Variants in RANBP2 observed in about 807,000 individuals in gnomAD.
RANBP2 encodes E3 SUMO-protein ligase RanBP2.
Under a neutral mutation model 303.6 loss-of-function variants are expected in RANBP2, and 57 were observed. The ratio of observed to expected loss-of-function variants is 0.19; its 90% CI spans 0.15 to 0.23. RANBP2 has a LOEUF of 0.23. Among genes scored for constraint, RANBP2 ranks in the 10% least tolerant of loss-of-function variants. The probability of loss-of-function intolerance (pLI) is 1.00; values close to 1 mark genes in which losing one functional copy is unlikely to be tolerated. For synonymous variants in RANBP2, 1,167 were observed against 1,301.5 expected (o/e 0.90, Z 2.23); for missense variants, 3,138 against 3,780.8 (o/e 0.83, Z 4.46).
chr2:108,932,478 G>C, the RANBP2 span, among the ~76,000 whole-genome samples: 1 of 141,730 alleles, frequency 7.1e-6, no homozygotes, highest in African/African-American at 2.7e-5. Flanking sequence ...GCAGTGAGCC[G>C]AGATTGTGCC....
the RANBP2 span, among the ~76,000 whole-genome samples, chr2:109,504,939 C>T: frequency 1.3e-5 from 2 of 152,208 alleles, no homozygotes; most frequent in Non-Finnish European, 2.9e-5. Context: ...CTCCAGTTCC[C>T]CTCTAGGGGC....
the RANBP2 span, among the ~76,000 whole-genome samples, chr2:109,628,409 G>T: frequency 3.1e-4 from 47 of 152,000 alleles, 1 homozygote; most frequent in Non-Finnish European, 5.1e-4. Flanking sequence ...CATGAGAATT[G>T]CTTGAACCCA....
At chr2:109,590,121 C>T in the RANBP2 span, among the ~76,000 whole-genome samples, 1 of 146,730 alleles carries the variant, frequency 6.8e-6, no homozygotes, top group Non-Finnish European at 1.5e-5. Flanking sequence ...TATATATATA[C>T]ACACATACAG....
chr2:109,233,707 G>C, the RANBP2 span, among the ~76,000 whole-genome samples: 9 of 152,206 alleles, frequency 5.9e-5, no homozygotes, highest in African/African-American at 2.2e-4. Flanking sequence ...TTTTGGCTCG[G>C]AATATTCATC....
At chr2:109,569,692 T>G in the RANBP2 span, among the ~76,000 whole-genome samples, 2 of 152,140 alleles carry the variant, frequency 1.3e-5, no homozygotes, top group African/African-American at 4.8e-5. Flanking sequence ...TATTATATAC[T>G]TAGGTATTCA....
chr2:109,034,675 C>A, the RANBP2 span, among the ~76,000 whole-genome samples: 1 of 152,208 alleles, frequency 6.6e-6, no homozygotes, highest in African/African-American at 2.4e-5. Flanking sequence ...CTCCTAGATT[C>A]ATTGCAAATA....
At chr2:109,059,784 G>A in the RANBP2 span, among the ~76,000 whole-genome samples, 4 of 152,062 alleles carry the variant, frequency 2.6e-5, no homozygotes, top group African/African-American at 9.7e-5. Context: ...CAGATCCTGG[G>A]ATGCAGTCAG....
the RANBP2 span, among the ~76,000 whole-genome samples, chr2:109,028,791 G>A: frequency 2.0e-5 from 3 of 152,092 alleles, no homozygotes; most frequent in Admixed American, 6.6e-5. Context: ...GAGCTTAGAG[G>A]TCATCGGGTC....
the RANBP2 span, chr2:109,545,650 C>T: frequency 6.7e-7 from 1 of 1,496,010 alleles, no homozygotes; most frequent in Non-Finnish European, 8.9e-7. Context: ...TATAATTCCC[C>T]AACAAAGGGC....
At chr2:108,817,998 A>C in the RANBP2 span, among the ~76,000 whole-genome samples, 1 of 152,152 alleles carries the variant, frequency 6.6e-6, no homozygotes, top group African/African-American at 2.4e-5. Context: ...TCTGCAGAGA[A>C]ATTTTATTTG....
intron 7 of RANBP2, among the ~76,000 whole-genome samples, chr2:108,741,257 C>T (rs530617155): frequency 9.1e-4 from 139 of 152,150 alleles, no homozygotes; most frequent in African/African-American, 3.0e-3. Context: ...AGTGCAGTGG[C>T]GTGATCTCGG....
chr2:108,869,955 G>A, the RANBP2 span, among the ~76,000 whole-genome samples: 1 of 152,304 alleles, frequency 6.6e-6, no homozygotes, highest in South Asian at 2.1e-4. Context: ...AAACTATCCT[G>A]TAAAGACACA....
chr2:108,788,289 G>A (rs918576221), downstream of RANBP2, among the ~76,000 whole-genome samples: 47 of 151,938 alleles, frequency 3.1e-4, no homozygotes, highest in Admixed American at 3.0e-3. Context: ...GCATGGTGGC[G>A]GGCGCCTGTA....
the RANBP2 span, among the ~76,000 whole-genome samples, chr2:108,835,374 T>A: frequency 6.6e-6 from 1 of 152,212 alleles, no homozygotes; most frequent in Admixed American, 6.5e-5. Context: ...AAAAAATTCA[T>A]TGCCATGTGT....
At chr2:109,623,644 C>T in the RANBP2 span, among the ~76,000 whole-genome samples, 1 of 152,190 alleles carries the variant, frequency 6.6e-6, no homozygotes, top group African/African-American at 2.4e-5. Flanking sequence ...ATTATTCTTC[C>T]CAATGTCTGA....
the RANBP2 span, among the ~76,000 whole-genome samples, chr2:109,222,969 C>T: frequency 4.6e-5 from 7 of 152,260 alleles, no homozygotes; most frequent in Non-Finnish European, 7.3e-5. Context: ...CATACTCTCC[C>T]ATCAACAGGG....
the RANBP2 span, among the ~76,000 whole-genome samples, chr2:109,054,699 A>C: frequency 6.6e-6 from 1 of 150,846 alleles, no homozygotes; most frequent in Non-Finnish European, 1.5e-5. Flanking sequence ...TCCGTCTCAA[A>C]AAAAAAAAAA....
the RANBP2 span, among the ~76,000 whole-genome samples, chr2:109,294,494 G>A: frequency 2.0e-5 from 3 of 151,508 alleles, no homozygotes; most frequent in Admixed American, 2.0e-4. Flanking sequence ...CCAGGAGGTG[G>A]AGGTTGCAGT....
the RANBP2 span, chr2:109,545,567 A>G: frequency 6.5e-7 from 1 of 1,535,604 alleles, no homozygotes; most frequent in Non-Finnish European, 8.7e-7. Context: ...AATTCTCACA[A>G]AATCAGTATC....
Sources: gnomAD v4.1 joint callset for allele counts (sites outside exome capture counted in the v4.1 genomes callset) on GRCh38, gnomAD v4.1.1 for gene constraint, MANE v1.5 for transcripts, NCBI Gene and HGNC (gene_info 2026-07-23, HGNC 2026-07-21) for gene names.